The following CPXM2 variants were observed in gnomAD, a reference collection of about 807,000 sequenced individuals.
CPXM2 encodes carboxypeptidase X, M14 family member 2, also known as inactive carboxypeptidase-like protein X2.
Under a neutral mutation model 86.1 loss-of-function variants are expected in CPXM2, and 66 were observed. The observed-to-expected ratio is 0.77, with a 90% CI of 0.63 to 0.94. CPXM2 has a LOEUF of 0.94. Among genes scored for constraint, CPXM2 ranks in the 40% least tolerant of loss-of-function variants. CPXM2 has a pLI of 0.00. For synonymous variants in CPXM2, 388 were observed against 400.2 expected, an observed-to-expected ratio of 0.97 and a Z score of 0.36; for missense variants, 948 against 1,026.3, an observed-to-expected ratio of 0.92 and a Z score of 1.04.
chr10:123,839,837 C>G (rs1848350145), intron 4 of CPXM2, among the ~76,000 whole-genome samples: 2 of 152,188 alleles, frequency 1.3e-5, no homozygotes, highest in Admixed American at 1.3e-4. Flanking sequence ...CAAACCAAAA[C>G]TCATCAGGTT....
intron 3 of CPXM2, among the ~76,000 whole-genome samples, chr10:123,856,513 C>A (rs889368948): frequency 1.3e-5 from 2 of 152,176 alleles, no homozygotes; most frequent in Non-Finnish European, 2.9e-5. Context: ...ATTAGATGAC[C>A]CACCTGAACA....
chr10:123,929,892 C>T (rs776721123), intron 2 of CPXM2, among the ~76,000 whole-genome samples: 103 of 152,312 alleles, frequency 6.8e-4, no homozygotes, highest in Non-Finnish European at 1.3e-3. Flanking sequence ...CTCCAACCAC[C>T]GGGTCATGCT....
intron 2 of CPXM2, among the ~76,000 whole-genome samples, chr10:123,936,177 A>G (rs1006009222): frequency 6.6e-6 from 1 of 152,258 alleles, no homozygotes; most frequent in African/African-American, 2.4e-5. Flanking sequence ...TAATCCCCAA[A>G]GTAGCCCTGT....
intron 10 of CPXM2, among the ~76,000 whole-genome samples, chr10:123,765,793 C>G (rs1301135043): frequency 6.6e-6 from 1 of 152,194 alleles, no homozygotes; most frequent in Non-Finnish European, 1.5e-5. Flanking sequence ...CTAAAGGAGC[C>G]CACCCTGCTG....
At position 123,935,857 on chromosome 10, in the gene CPXM2, CCACCACCAT is replaced by C. The variant is rs1015975882; in HGVS notation, n.174+3611_174+3619del. Among the ~76,000 whole-genome samples, 24 of 68,508 alleles carry C rather than the reference CCACCACCAT, an allele frequency of 3.5e-4. No individual in the cohort carries two copies. In the East Asian group the frequency reaches 0.013, roughly 38 times the overall value. 44.9% of individuals were successfully genotyped at this position (68,508 alleles called of 152,430 possible). Reference sequence around the variant, plus strand: ...ACCAGCGTCTTGACCATCATCACCACCACCACCATCACCACCATCCTTACCATCATCACC... The same window carrying C: ...ACCAGCGTCTTGACCATCATCACCACCACCACCATCCTTACCATCATCACC... On this transcript the variant is annotated intron_variant and non_coding_transcript_variant, in intron 2 of 19. Coordinates refer to the CPXM2 transcript ENST00000368854.
At position 123,757,312 on chromosome 10, in the gene CPXM2, T is replaced by C. The variant is rs1049920236; in HGVS notation, c.1818A>G (p.Glu606=). 1.9e-6 allele frequency: 3 copies of C among 1,613,896 alleles called. No homozygotes were observed. The highest frequency in any genetic ancestry group is 2.5e-6 in the Non-Finnish European group (3 of 1,179,816). The change falls in exon 12 of 14, where the codon GAA becomes GAG. Residue 606 remains glutamate (E), a synonymous_variant. Transcript: ENST00000241305. ...DFSYLHTNCF[E]LSIYVGCDKY... ...TATCACAGCCCACGTAGATGGACAG[T>C]TCGAAGCAGTTTGTATGAAGGTAGC...
At chr10:123,795,715 GTCCTC>G in intron 6 of CPXM2, among the ~76,000 whole-genome samples, 1 of 151,904 alleles carries the variant, frequency 6.6e-6, no homozygotes, top group East Asian at 1.9e-4. Flanking sequence ...AAAAAAAATG[GTCCTC>G]AATATTTGGG....
At chr10:123,892,812 G>A (rs2134253024), upstream of CPXM2, among the ~76,000 whole-genome samples, 1 of 152,302 alleles carries the variant, frequency 6.6e-6, no homozygotes, top group Non-Finnish European at 1.5e-5. Flanking sequence ...TCACTCGCTG[G>A]CTGTGGGCTG....
At chr10:123,764,032 T>C (rs1203307984) in intron 10 of CPXM2, among the ~76,000 whole-genome samples, 2 of 152,256 alleles carry the variant, frequency 1.3e-5, no homozygotes, top group African/African-American at 4.8e-5. Context: ...TTCTCTCATC[T>C]GCGTTTCCTT....
intron 4 of CPXM2, among the ~76,000 whole-genome samples, chr10:123,827,726 A>C (rs1848077727): frequency 6.6e-6 from 1 of 152,236 alleles, no homozygotes; most frequent in African/African-American, 2.4e-5. Flanking sequence ...TTTAAAATTA[A>C]TATAGAAAAG....
chr10:123,794,824 G>A (rs1847294148), intron 6 of CPXM2, among the ~76,000 whole-genome samples: 2 of 151,870 alleles, frequency 1.3e-5, no homozygotes, highest in South Asian at 2.1e-4. Flanking sequence ...AGACTGGAGT[G>A]CAGTGGTGCG....
chr10:123,788,293 A>AG (rs1271009015), intron 6 of CPXM2, among the ~76,000 whole-genome samples: 2 of 151,794 alleles, frequency 1.3e-5, no homozygotes, highest in African/African-American at 4.8e-5. Flanking sequence ...AAAAAAAAAA[A>AG]AAAAGAAAAG....
At chr10:123,749,505 G>C (rs751887833) in intron 13 of CPXM2, among the ~76,000 whole-genome samples, 5 of 152,128 alleles carry the variant, frequency 3.3e-5, no homozygotes, top group Non-Finnish European at 7.4e-5. Flanking sequence ...ACATCATGGT[G>C]CTTACTCCCT....
At chr10:123,935,725 C>A (rs1237367699) in intron 2 of CPXM2, among the ~76,000 whole-genome samples, 1 of 152,080 alleles carries the variant, frequency 6.6e-6, no homozygotes, top group Non-Finnish European at 1.5e-5. Flanking sequence ...AAAGATCCAG[C>A]CAGAAATACA....
chr10:123,942,604 T>G (rs575439549), upstream of CPXM2, among the ~76,000 whole-genome samples: 3 of 152,304 alleles, frequency 2.0e-5, no homozygotes, highest in South Asian at 6.2e-4. Context: ...GGAGGAACCC[T>G]CAGTTCCAGA....
At chr10:123,806,613 G>C (rs207471534) in intron 4 of CPXM2, among the ~76,000 whole-genome samples, 1 of 152,150 alleles carries the variant, frequency 6.6e-6, no homozygotes, top group Non-Finnish European at 1.5e-5. Flanking sequence ...GATCCTACCC[G>C]AGACTAGGTA....
At chr10:123,843,227 CA>C in intron 3 of CPXM2, 1 of 451,444 alleles carries the variant, frequency 2.2e-6, no homozygotes, top group South Asian at 1.6e-5. Flanking sequence ...GCTGGGACTA[CA>C]AGCACACACC....
chr10:123,882,059 A>C (rs1288044424), intron 1 of CPXM2, among the ~76,000 whole-genome samples: 1 of 152,256 alleles, frequency 6.6e-6, no homozygotes, highest in Non-Finnish European at 1.5e-5. Flanking sequence ...GCCAATAATG[A>C]AATCATTTCC....
rs769070286 is a variant in CPXM2 at position 123,885,294 on chromosome 10, G to A, written c.305-4985C>T. The stretch of plus-strand genomic sequence containing the variant: ...TAGAAGGCTGGGAGGCTGGGAGGCT[G>A]GAAGGCTGGGCATTGACCCCTCCAA... On this transcript the variant is annotated intron_variant, in intron 1 of 13. Transcript: ENST00000241305. The surrounding 1 kb of genome is among the most constrained non-coding windows in gnomAD (Gnocchi z 4.0). Among the ~76,000 whole-genome samples, 3 of 152,114 alleles carry A rather than the reference G, an allele frequency of 2.0e-5. No homozygotes were observed. Among genetic ancestry groups the A allele is most frequent in the Non-Finnish European group, 2.9e-5 (2 of 68,020 alleles).
Sources: allele counts gnomAD v4.1 joint callset (sites outside exome capture counted in the v4.1 genomes callset), GRCh38; gene constraint gnomAD v4.1.1; non-coding constraint Gnocchi (gnomAD v3.1); transcripts MANE v1.5; gene names NCBI Gene and HGNC (gene_info 2026-07-23, HGNC 2026-07-21).